Variants in ELP5 observed in about 807,000 individuals in gnomAD.
ELP5 encodes the protein elongator complex protein 5.
ELP5 carries 34 observed loss-of-function variants against 33.4 expected under a neutral mutation model. That is an observed-to-expected ratio of 1.02 (90% CI 0.78 to 1.36). The LOEUF (loss-of-function observed/expected upper bound fraction) is 1.36. Ranked by LOEUF, ELP5 falls within the 40% of genes most tolerant of loss-of-function variation. The probability of loss-of-function intolerance (pLI) is 0.00; values close to 1 mark genes in which losing one functional copy is unlikely to be tolerated. For synonymous variants in ELP5, 161 were observed against 146.4 expected, an observed-to-expected ratio of 1.10 and a Z score of -0.72; for missense variants, 373 against 371.7, an observed-to-expected ratio of 1.00 and a Z score of -0.03.
chr17:7,256,181 T>C (rs1208798349), intron 4 of ELP5, among the ~76,000 whole-genome samples: 1 of 151,804 alleles, frequency 6.6e-6, no homozygotes, highest in Admixed American at 6.6e-5. Context: ...TGAAACCCCG[T>C]CTCTACCAAA....
rs1403767188 is a variant in ELP5 at position 7,252,248 on chromosome 17, T to C, written c.-303T>C. 4 of 475,738 alleles carry C rather than the reference T, an allele frequency of 8.4e-6. No individual in the cohort carries two copies. The highest frequency in any genetic ancestry group is 1.5e-5 in the Non-Finnish European group (4 of 259,738). 29.5% of individuals were successfully genotyped at this position (475,738 alleles called of 1,614,324 possible). Reference sequence around the variant, plus strand: ...CGCGCTTAGGGCCCTCGCGGGGGGCTTGTGGGTCCTCCTCCCCCTCCCACT... The same window carrying C: ...CGCGCTTAGGGCCCTCGCGGGGGGCCTGTGGGTCCTCCTCCCCCTCCCACT... On this transcript the variant is annotated 5_prime_UTR_variant, in exon 1 of 8. Transcript: ENST00000396628.
intron 3 of ELP5, among the ~76,000 whole-genome samples, chr17:7,253,912 G>T (rs1231108810): frequency 6.6e-6 from 1 of 151,598 alleles, no homozygotes; most frequent in Non-Finnish European, 1.5e-5. Flanking sequence ...CAGGAGAATC[G>T]CTTGAACCCA....
At chr17:7,256,014 C>T (rs1053506836) in intron 4 of ELP5, among the ~76,000 whole-genome samples, 5 of 150,848 alleles carry the variant, frequency 3.3e-5, no homozygotes, top group African/African-American at 1.2e-4. Flanking sequence ...TGAGATCACG[C>T]CACCGTACTG....
chr17:7,254,253 CT>C (rs1334512648), intron 3 of ELP5, among the ~76,000 whole-genome samples: 1 of 152,160 alleles, frequency 6.6e-6, no homozygotes. Context: ...ATGGTGATAA[CT>C]AACATTTATC....
At position 7,259,931 on chromosome 17, in the gene ELP5, TAAA is replaced by T. The variant is rs377718990; in HGVS notation, c.*250_*252del. 244 of 461,188 alleles carry T rather than the reference TAAA, an allele frequency of 5.3e-4. 3 individuals carry two copies. In the East Asian group the frequency reaches 8.8e-3, roughly 17 times the overall value. 28.6% of individuals were successfully genotyped at this position (461,188 alleles called of 1,614,324 possible). On this transcript the variant is annotated 3_prime_UTR_variant, in exon 8 of 8. Transcript: ENST00000396628. ...CTAATAAAAATCTTTATTTTTTTAT[TAAA>T]AAAGAAGTACTTTGGTAGCTATTTA...
Position 7,253,011 on chromosome 17 carries a change from TG to T in ELP5, c.188+15del. The T allele has an allele frequency of 6.2e-7, 1 of 1,613,602 alleles. No homozygotes were observed. The highest frequency in any genetic ancestry group is 1.7e-4 in the Middle Eastern group (1 of 6,060). On this transcript the variant is annotated intron_variant, in intron 3 of 7. Transcript: ENST00000396628. ...ATATCAACAATCGGTAAGTACCAGT[TG>T]GAAGAGATTTGATTAAATTTGAGAC... is the stretch of plus-strand genomic sequence containing the variant.
In ELP5 at chr17:7,259,721, C is replaced by T. The variant is rs1414162213; in HGVS notation, c.*36C>T. The T allele has an allele frequency of 3.1e-6, 5 of 1,613,110 alleles. No individual in the cohort carries two copies. Among genetic ancestry groups the T allele is most frequent in the Admixed American group, 3.3e-5 (2 of 59,910 alleles). ...TTGATTAGATTGTAATTGGAGGGGG[C>T]GCGGGAAGACTTTGGGCCCAGAACC... On this transcript the variant is annotated 3_prime_UTR_variant, in exon 8 of 8. Coordinates refer to ENST00000396628, the MANE Select transcript of ELP5 (RefSeq NM_203414.3).
intron 5 of ELP5, among the ~76,000 whole-genome samples, chr17:7,257,507 G>A (rs925474999): frequency 6.0e-5 from 9 of 150,794 alleles, no homozygotes; most frequent in Non-Finnish European, 1.0e-4. Flanking sequence ...CATAACTTAC[G>A]GCAGCTTTGA....
rs757323323 is a variant in ELP5, at chr17:7,258,887, G to C, written c.749G>C (p.Arg250Thr). ...LHLSKKEREA[R>T]DSLILPFQFS... The stretch of plus-strand genomic sequence containing the variant: ...CTGTCCAAGAAAGAGAGAGAAGCCA[G>C]AGATAGCCTGATCCTGCCCTTCCAG... The change falls in exon 7 of 8, where the codon AGA becomes ACA. Residue 250 changes from arginine (R) to threonine (T), a missense_variant. Transcript: ENST00000396628. The C allele has an allele frequency of 6.2e-7, 1 of 1,614,192 alleles. No individual in the cohort carries two copies. The highest frequency in any genetic ancestry group is 8.5e-7 in the Non-Finnish European group (1 of 1,180,034).
At chr17:7,257,088 G>A in intron 5 of ELP5, 50 bp downstream of exon 5, 1 of 1,483,436 alleles carries the variant, frequency 6.7e-7, no homozygotes, top group Non-Finnish European at 8.9e-7. Flanking sequence ...AGAGAAAGGG[G>A]TGGCACGATG....
intron 3 of ELP5, among the ~76,000 whole-genome samples, chr17:7,253,472 A>G (rs1180351376): frequency 1.3e-5 from 2 of 152,204 alleles, no homozygotes; most frequent in Non-Finnish European, 2.9e-5. Context: ...TAGTGGGTAG[A>G]ATTTCCAGGA....
At position 7,259,572 on chromosome 17, in the gene ELP5, C is replaced by T; in HGVS notation, c.790C>T (p.Gln264Ter). 4 of 1,614,140 alleles carry T rather than the reference C, an allele frequency of 2.5e-6. No individual in the cohort carries two copies. The highest frequency in any genetic ancestry group is 1.7e-4 in the Middle Eastern group (1 of 6,052). Residue 264 changes from glutamine to a stop codon, truncating the protein, a stop_gained and splice_region_variant, in exon 8 of 8, where the codon CAG becomes TAG. Transcript: ENST00000396628. LOFTEE classifies it high-confidence loss of function. ...ILPFQFSSEKQQALLRPRPGQ... is the reference protein window; with the variant it reads ...ILPFQFSSEK ...CAGCACCAAATCTTCCCTTCTCAGA[C>T]AGCAGGCTCTCCTGCGGCCTAGGCC...
Position 7,252,283 on chromosome 17 carries a change from C to T in ELP5, c.-268C>T. On this transcript the variant is annotated 5_prime_UTR_variant, in exon 1 of 8. Transcript: ENST00000396628. ...TCCTCCCCCTCCCACTGACAACTGC[C>T]CCAACTGCTCTTCCCGCCCCGGTCA... The T allele has an allele frequency of 3.6e-6, 2 of 554,428 alleles. No homozygotes were observed. Among genetic ancestry groups the T allele is most frequent in the Non-Finnish European group, 6.5e-6 (2 of 305,680 alleles). 34.3% of individuals were successfully genotyped at this position (554,428 alleles called of 1,614,324 possible).
Position 7,254,789 on chromosome 17 carries a change from A to G in ELP5, c.395A>G (p.Gln132Arg). Residue 132 changes from glutamine (Q) to arginine (R), a missense_variant, in exon 4 of 8, where the codon CAG (glutamine) becomes CGG (arginine). Physicochemically the swap from Gln to Arg is conservative, Grantham distance 43 (BLOSUM62 1). Transcript: ENST00000396628. ...LCQVLHAVSH[Q>R]DSCPGDSSSV... Reference sequence around the variant, plus strand: ...CAGGTCCTGCATGCTGTGAGCCATCAGGACTCTTGTCCTGGTGAGACCCCT... The same window carrying G: ...CAGGTCCTGCATGCTGTGAGCCATCGGGACTCTTGTCCTGGTGAGACCCCT... 1.9e-6 allele frequency: 3 copies of G among 1,614,184 alleles called. No homozygotes were observed. Among genetic ancestry groups the G allele is most frequent in the Non-Finnish European group, 2.5e-6 (3 of 1,180,018 alleles).
At chr17:7,255,526 CAA>C (rs1004666450) in intron 4 of ELP5, among the ~76,000 whole-genome samples, 3 of 129,096 alleles carry the variant, frequency 2.3e-5, no homozygotes, top group Admixed American at 7.9e-5. Flanking sequence ...GACTCCATCT[CAA>C]AAAAAAAAAA....
In ELP5 at chr17:7,258,654, C is replaced by T. The variant is rs1318977161; in HGVS notation, c.658C>T (p.Gln220Ter). 4.3e-6 allele frequency: 7 copies of T among 1,614,016 alleles called. No individual in the cohort carries two copies. In the African/African-American group the frequency reaches 8.0e-5, roughly 18 times the overall value. ...DLQEGPSVES[Q>*]PYSDPHIPPV... ...CCAAGAGGGGCCCTCTGTAGAGTCCCAGCCCTACTCCGATCCTCATATACC... is the reference window on the plus strand; with the variant it reads ...CCAAGAGGGGCCCTCTGTAGAGTCCTAGCCCTACTCCGATCCTCATATACC... The change falls in exon 6 of 8, where the codon CAG (glutamine) becomes TAG (stop). Residue 220 changes from glutamine (Q) to a stop codon, truncating the protein, a stop_gained. Coordinates refer to ENST00000396628, the MANE Select transcript of ELP5 (RefSeq NM_203414.3). LOFTEE classifies it high-confidence loss of function.
intron 2 of ELP5, 32 bp downstream of exon 2, chr17:7,252,862 C>T (rs1205318562): frequency 6.2e-6 from 10 of 1,614,072 alleles, no homozygotes; most frequent in Non-Finnish European, 8.5e-6. Context: ...CCCGGCCTAC[C>T]CTGGATAGGG....
Position 7,252,782 on chromosome 17 carries a change from G to T in ELP5, c.59G>T (p.Trp20Leu). 6.2e-7 allele frequency: 1 copy of T among 1,614,228 alleles called. No homozygotes were observed. The highest frequency in any genetic ancestry group is 8.5e-7 in the Non-Finnish European group (1 of 1,180,034). The change falls in exon 2 of 8, where the codon TGG (tryptophan) becomes TTG (leucine). Residue 20 changes from tryptophan to leucine, a missense_variant. By Grantham distance (61) the Trp-to-Leu change is moderately conservative. Coordinates refer to ENST00000396628, the MANE Select transcript of ELP5 (RefSeq NM_203414.3). ...CCTCGCTCTGCAGATTCCGTGGAGT[G>T]GGAGGGGCGCAGTCTCTTGAAGGCG... ...GLVLLRDSVE[W>L]EGRSLLKALV...
In ELP5 at chr17:7,253,951, C is replaced by G. The variant is rs545457480; in HGVS notation, c.189-632C>G. ...GGCAGAGGTTGCAGTGAGCGGAGATCACGCCATTGCACTCCAGCCTGGGCA... is the reference window on the plus strand; with the variant it reads ...GGCAGAGGTTGCAGTGAGCGGAGATGACGCCATTGCACTCCAGCCTGGGCA... On this transcript the variant is annotated intron_variant, in intron 3 of 7. Transcript: ENST00000396628. 2.4e-4 allele frequency among the ~76,000 whole-genome samples: 36 copies of G among 150,628 alleles called. No individual in the cohort carries two copies. In the South Asian group the frequency reaches 4.0e-3, roughly 17 times the overall value.
Sources: gnomAD v4.1 joint callset for allele counts (sites outside exome capture counted in the v4.1 genomes callset) on GRCh38, gnomAD v4.1.1 for gene constraint, MANE v1.5 for transcripts, NCBI Gene and HGNC (gene_info 2026-07-23, HGNC 2026-07-21) for gene names.